Variants in ATP6V0D1 observed in about 807,000 individuals in gnomAD.
The protein encoded by ATP6V0D1 is V-type proton ATPase subunit d 1.
In ATP6V0D1, 13 loss-of-function variants were observed where a neutral mutation model predicts 39.0. That is an observed-to-expected ratio of 0.33 (90% CI 0.22 to 0.53). The LOEUF is 0.53. Ranked by LOEUF, ATP6V0D1 falls within the 20% of genes least tolerant of loss-of-function variation. ATP6V0D1 has a pLI of 0.94. For synonymous variants in ATP6V0D1, 191 were observed against 191.2 expected (o/e 1.00, Z 0.01); for missense variants, 272 against 470.9 (o/e 0.58, Z 3.91).
At chr16:67,459,305 TCCCACCTCCACAGGCCGG>T in intron 1 of ATP6V0D1, 1 of 976,344 alleles carries the variant, frequency 1.0e-6, no homozygotes, top group Non-Finnish European at 1.2e-6. Flanking sequence ...GTCCCTGCCC[TCCCACCTCCACAGGCCGG>T]CCCTGTCCAC....
At position 67,438,225 on chromosome 16, in the gene ATP6V0D1, T is replaced by C. The variant is rs1046176672; in HGVS notation, c.*303A>G. 3.4e-5 allele frequency: 13 copies of C among 382,484 alleles called. No individual in the cohort carries two copies. Among genetic ancestry groups the C allele is most frequent in the African/African-American group, 2.1e-4 (10 of 48,194 alleles). The allele number at this position is 382,484 out of a possible 1,614,324, so 23.7% of individuals were successfully genotyped here. The stretch of plus-strand genomic sequence containing the variant: ...CAGGTCAGGGAGTTAGGGAGGAACA[T>C]GAAAGTGACATGCTTCTTAGATACA... On this transcript the variant is annotated 3_prime_UTR_variant, in exon 8 of 8. Transcript: ENST00000290949.
intron 1 of ATP6V0D1, among the ~76,000 whole-genome samples, chr16:67,472,657 G>A (rs1385147038): frequency 2.6e-5 from 4 of 152,178 alleles, no homozygotes; most frequent in Admixed American, 1.3e-4. Context: ...CACGAGGTCA[G>A]GAGATCGAGA....
At position 67,481,093 on chromosome 16, in the gene ATP6V0D1, T is replaced by C. The variant is rs764634810; in HGVS notation, c.-7A>G. On this transcript the variant is annotated 5_prime_UTR_variant, in exon 1 of 8. Coordinates refer to ENST00000290949, the MANE Select transcript of ATP6V0D1 (RefSeq NM_004691.5). ...GCTCCGGGAAGAACGACATGGCTGCTGCGGGAGCGGCGGGACCGGAGAACC... is the reference window on the plus strand; with the variant it reads ...GCTCCGGGAAGAACGACATGGCTGCCGCGGGAGCGGCGGGACCGGAGAACC... The C allele has an allele frequency of 1.2e-6, 2 of 1,613,908 alleles. No individual in the cohort carries two copies. Among genetic ancestry groups the C allele is most frequent in the Middle Eastern group, 1.6e-4 (1 of 6,062 alleles).
intron 1 of ATP6V0D1, among the ~76,000 whole-genome samples, chr16:67,463,856 G>A (rs750993230): frequency 6.6e-6 from 1 of 152,212 alleles, no homozygotes; most frequent in Admixed American, 6.5e-5. Context: ...GTGAGCCAGT[G>A]CTGTGGACCT....
Position 67,453,512 on chromosome 16 carries a change from T to TACA in ATP6V0D1, c.302+31_302+32insTGT. 1 of 1,610,802 alleles carries TACA rather than the reference T, an allele frequency of 6.2e-7. No individual in the cohort carries two copies. Among genetic ancestry groups the TACA allele is most frequent in the Admixed American group, 1.7e-5 (1 of 59,926 alleles). ...TGCAGGTGTAGCTATCCTGCCCAGG[T>TACA]AAGAGAAGAAGGCGCTACAAAGCAC... is the stretch of plus-strand genomic sequence containing the variant. On this transcript the variant is annotated intron_variant, in intron 2 of 7. Coordinates refer to ENST00000290949, the MANE Select transcript of ATP6V0D1 (RefSeq NM_004691.5). The surrounding 1 kb of genome is among the most constrained non-coding windows in gnomAD (Gnocchi z 4.1).
chr16:67,439,410 G>A, intron 4 of ATP6V0D1, 59 bp from the exon 5 acceptor site: 1 of 1,517,328 alleles, frequency 6.6e-7, no homozygotes, highest in South Asian at 1.1e-5. Flanking sequence ...GGCTTGCTAG[G>A]CACAAGCCCT....
intron 1 of ATP6V0D1, among the ~76,000 whole-genome samples, chr16:67,469,879 A>T (rs755579937): frequency 2.6e-5 from 4 of 152,224 alleles, no homozygotes; most frequent in Admixed American, 6.5e-5. Context: ...CTCTCCCCAG[A>T]GGTTGTCACT....
chr16:67,465,290 T>C (rs1156945385), intron 1 of ATP6V0D1, among the ~76,000 whole-genome samples: 2 of 152,196 alleles, frequency 1.3e-5, no homozygotes, highest in African/African-American at 4.8e-5. Flanking sequence ...TTCAGGTGCC[T>C]GGTTTGGCCA....
intron 1 of ATP6V0D1, among the ~76,000 whole-genome samples, chr16:67,473,677 C>T (rs1337549468): frequency 6.6e-6 from 1 of 152,226 alleles, no homozygotes; most frequent in African/African-American, 2.4e-5. Flanking sequence ...GCGCCCACCA[C>T]CATGCCTGGC....
At chr16:67,463,152 T>A (rs1188454398) in intron 1 of ATP6V0D1, among the ~76,000 whole-genome samples, 1 of 152,246 alleles carries the variant, frequency 6.6e-6, no homozygotes, top group East Asian at 1.9e-4. Context: ...CTAGGCCCTG[T>A]GTTTGGGCTC....
intron 2 of ATP6V0D1, chr16:67,445,693 G>A: frequency 3.0e-6 from 1 of 333,564 alleles, no homozygotes; most frequent in South Asian, 2.3e-5. Context: ...TACATGGGCA[G>A]CAGAGGGGGC....
chr16:67,474,200 A>G (rs192247745), intron 1 of ATP6V0D1, among the ~76,000 whole-genome samples: 52 of 152,320 alleles, frequency 3.4e-4, no homozygotes, highest in Admixed American at 3.4e-3. Flanking sequence ...GGGAATGACC[A>G]CAGTGGAGCA....
intron 1 of ATP6V0D1, among the ~76,000 whole-genome samples, chr16:67,468,577 G>C (rs1169405640): frequency 6.9e-6 from 1 of 144,860 alleles, no homozygotes; most frequent in African/African-American, 2.6e-5. Flanking sequence ...AACAGAGCAA[G>C]ACCCAGTCTC....
intron 1 of ATP6V0D1, among the ~76,000 whole-genome samples, chr16:67,470,739 C>G (rs962105003): frequency 1.3e-5 from 2 of 152,190 alleles, no homozygotes; most frequent in Non-Finnish European, 2.9e-5. Flanking sequence ...TCCCACCCCC[C>G]AATCTGCACC....
At chr16:67,461,022 A>C (rs1457536405) in intron 1 of ATP6V0D1, among the ~76,000 whole-genome samples, 1 of 152,212 alleles carries the variant, frequency 6.6e-6, no homozygotes, top group African/African-American at 2.4e-5. Flanking sequence ...CTCCCAGGGC[A>C]CTGCACAGAC....
intron 1 of ATP6V0D1, chr16:67,454,567 G>GT (rs911221544): frequency 8.1e-4 from 119 of 146,016 alleles, no homozygotes; most frequent in East Asian, 1.2e-3. Flanking sequence ...TTGTTTGTTT[G>GT]TTTTTTTTTT....
chr16:67,447,962 T>C lies in ATP6V0D1; in HGVS notation c.303-3256A>G, dbSNP rs2041136422. Among the ~76,000 whole-genome samples, 2 of 152,198 alleles carry C rather than the reference T, an allele frequency of 1.3e-5. No individual in the cohort carries two copies. The highest frequency in any genetic ancestry group is 2.9e-5 in the Non-Finnish European group (2 of 68,028). On this transcript the variant is annotated intron_variant, in intron 2 of 7. Coordinates refer to ENST00000290949, the MANE Select transcript of ATP6V0D1 (RefSeq NM_004691.5). This position sits in a 1 kb window ranked among gnomAD's most constrained non-coding sequence, Gnocchi z 4.1. ...CACTTCTGGGTCCTGAAGAGCCCTG[T>C]GCAGAGTGGAAAGTGAACAGAAATA...
rs1350175787 is a variant in ATP6V0D1 at position 67,447,057 on chromosome 16, C to G, written c.303-2351G>C. ...CCTAGTCTCATTTTCTCAGAGGGAT[C>G]CCCACCAGCCAATCTCCTCTTTTTC... On this transcript the variant is annotated intron_variant, in intron 2 of 7. Transcript: ENST00000290949. This position sits in a 1 kb window ranked among gnomAD's most constrained non-coding sequence, Gnocchi z 4.1. Among the ~76,000 whole-genome samples the G allele has an allele frequency of 6.6e-6, 1 of 152,152 alleles. No homozygotes were observed. Among genetic ancestry groups the G allele is most frequent in the African/African-American group, 2.4e-5 (1 of 41,432 alleles).
At chr16:67,469,151 T>G (rs1451988315) in intron 1 of ATP6V0D1, among the ~76,000 whole-genome samples, 2 of 151,968 alleles carry the variant, frequency 1.3e-5, no homozygotes, top group Non-Finnish European at 2.9e-5. Context: ...CTACTAAAAA[T>G]ACAAAAATTA....
Sources: gnomAD v4.1 joint callset for allele counts (sites outside exome capture counted in the v4.1 genomes callset) on GRCh38, gnomAD v4.1.1 for gene constraint, Gnocchi (gnomAD v3.1) non-coding constraint, MANE v1.5 for transcripts, NCBI Gene and HGNC (gene_info 2026-07-23, HGNC 2026-07-21) for gene names.